GPM6A: variants seen among roughly 807,000 people sequenced by gnomAD.
The protein encoded by GPM6A is neuronal membrane glycoprotein M6-a.
GPM6A carries 7 observed loss-of-function variants against 32.1 expected under a neutral mutation model. That is an observed-to-expected ratio of 0.22 (90% CI 0.12 to 0.41). GPM6A has a LOEUF of 0.41. Among genes scored for constraint, GPM6A ranks in the 10% least tolerant of loss-of-function variants. GPM6A has a pLI of 1.00. For synonymous variants in GPM6A, 130 were observed against 123.4 expected (o/e 1.05, Z -0.35); for missense variants, 235 against 347.2 (o/e 0.68, Z 2.57).
rs900846811 is a variant in GPM6A, at chr4:175,738,199, A to G, written c.38-36432T>C. On this transcript the variant is annotated intron_variant, in intron 1 of 6. Coordinates refer to ENST00000393658, the MANE Select transcript of GPM6A (RefSeq NM_201591.3). ...GTGATTTGCCTGCCTCGGCCTCCCAATGTGCTGGGATTACAGACATGAGTT... is the reference window on the plus strand; with the variant it reads ...GTGATTTGCCTGCCTCGGCCTCCCAGTGTGCTGGGATTACAGACATGAGTT... 1.1e-4 allele frequency among the ~76,000 whole-genome samples: 16 copies of G among 152,200 alleles called. No homozygotes were observed. The East Asian group carries it at 2.3e-3, about 22-fold the overall frequency.
intron 1 of GPM6A, among the ~76,000 whole-genome samples, chr4:175,971,699 T>G (rs918078747): frequency 5.9e-5 from 9 of 152,228 alleles, no homozygotes; most frequent in African/African-American, 1.7e-4. Context: ...TTTTGAAGTT[T>G]CTGCTGGAGC....
intron 3 of GPM6A, among the ~76,000 whole-genome samples, chr4:175,656,831 G>C (rs575839770): frequency 9.9e-5 from 15 of 151,718 alleles, no homozygotes; most frequent in Non-Finnish European, 2.1e-4. Context: ...TTGATGAAAA[G>C]AAGCCAGCTG....
At chr4:175,705,230 A>G (rs1231654538) in intron 1 of GPM6A, among the ~76,000 whole-genome samples, 3 of 152,322 alleles carry the variant, frequency 2.0e-5, no homozygotes, top group African/African-American at 7.2e-5. Flanking sequence ...TGCATTTCCA[A>G]ATGAGTGTAA....
intron 1 of GPM6A, among the ~76,000 whole-genome samples, chr4:175,703,107 C>T (rs75057612): frequency 6.6e-6 from 1 of 152,144 alleles, no homozygotes; most frequent in African/African-American, 2.4e-5. Flanking sequence ...AAAAATAGTG[C>T]TTGACATAGA....
chr4:175,758,018 G>A (rs1732596880), intron 1 of GPM6A, among the ~76,000 whole-genome samples: 2 of 152,146 alleles, frequency 1.3e-5, no homozygotes, highest in South Asian at 4.1e-4. Context: ...GAAGAATGGA[G>A]AAGTAAGTGC....
At chr4:175,800,803 G>A (rs111517413) in intron 1 of GPM6A, 108 of 197,244 alleles carry the variant, frequency 5.5e-4, no homozygotes, top group Middle Eastern at 1.8e-3. Flanking sequence ...TCATCCTAGA[G>A]GATCTAAAAG....
At chr4:175,828,009 G>C (rs1259827213) in intron 1 of GPM6A, among the ~76,000 whole-genome samples, 3 of 152,200 alleles carry the variant, frequency 2.0e-5, no homozygotes, top group African/African-American at 7.2e-5. Flanking sequence ...ATTGTTCTGA[G>C]TGATGAAGCA....
At chr4:175,893,349 G>A (rs1256922879) in intron 1 of GPM6A, among the ~76,000 whole-genome samples, 1 of 152,192 alleles carries the variant, frequency 6.6e-6, no homozygotes, top group African/African-American at 2.4e-5. Flanking sequence ...ACTATTCAAT[G>A]ATCAGCGTTT....
At chr4:175,827,063 GAAGT>G (rs1237150624) in intron 1 of GPM6A, among the ~76,000 whole-genome samples, 6 of 152,184 alleles carry the variant, frequency 3.9e-5, no homozygotes, top group East Asian at 1.9e-4. Flanking sequence ...AGATGCCCAT[GAAGT>G]AAGTATCATT....
chr4:175,842,022 A>G (rs1050200808), intron 1 of GPM6A, among the ~76,000 whole-genome samples: 2 of 152,146 alleles, frequency 1.3e-5, no homozygotes, highest in Non-Finnish European at 2.9e-5. Context: ...AAGAATCACT[A>G]TTATTTAATG....
At chr4:175,793,871 TTG>T (rs1560936373) in intron 1 of GPM6A, among the ~76,000 whole-genome samples, 1 of 152,240 alleles carries the variant, frequency 6.6e-6, no homozygotes, top group Non-Finnish European at 1.5e-5. Flanking sequence ...TTTTATGATA[TTG>T]TCAATTCTGA....
At chr4:175,920,569 T>C (rs1738632845) in intron 1 of GPM6A, among the ~76,000 whole-genome samples, 1 of 152,128 alleles carries the variant, frequency 6.6e-6, no homozygotes, top group African/African-American at 2.4e-5. Context: ...ATTATACGGC[T>C]GGGCGTGGTG....
At chr4:175,930,006 T>C (rs1415845939) in intron 1 of GPM6A, among the ~76,000 whole-genome samples, 1 of 152,110 alleles carries the variant, frequency 6.6e-6, no homozygotes, top group Non-Finnish European at 1.5e-5. Context: ...AACTTATATA[T>C]TCCCTATAGC....
At chr4:175,813,172 G>A (rs1734996091), upstream of GPM6A, 1 of 654,476 alleles carries the variant, frequency 1.5e-6, no homozygotes, top group Non-Finnish European at 1.9e-6. Flanking sequence ...GGTTTCCAAT[G>A]AGAATCTCTT....
At position 175,986,550 on chromosome 4, in the gene GPM6A, T is replaced by A. The variant is rs115064144; in HGVS notation, c.-23+15759A>T. 8.6e-3 allele frequency among the ~76,000 whole-genome samples: 1,316 copies of A among 152,258 alleles called. 10 individuals carry two copies. The highest frequency in any genetic ancestry group is 0.03 in the African/African-American group (1,240 of 41,538). ...CTGGGCAACAGAGTGAGACTCCACC[T>A]CTACAAACAAGAAAAAGAGACTTTT... is the stretch of plus-strand genomic sequence containing the variant. On this transcript the variant is annotated intron_variant, in intron 1 of 7. Transcript: ENST00000280187.
chr4:175,641,019 A>G, intron 4 of GPM6A, 190 bp from the exon 5 acceptor site: 1 of 565,230 alleles, frequency 1.8e-6, no homozygotes, highest in Non-Finnish European at 3.1e-6. Context: ...AATATGCAAG[A>G]CTATTTAGCC....
chr4:175,901,836 CA>C (rs1194916598), intron 1 of GPM6A, among the ~76,000 whole-genome samples: 13 of 151,834 alleles, frequency 8.6e-5, no homozygotes. Flanking sequence ...CCATGTTGGC[CA>C]GGCTAGTCTT....
chr4:175,896,697 C>T (rs1285490071), intron 1 of GPM6A, among the ~76,000 whole-genome samples: 1 of 152,138 alleles, frequency 6.6e-6, no homozygotes, highest in Non-Finnish European at 1.5e-5. Flanking sequence ...ACCACAGGCC[C>T]TGTCTATCTT....
chr4:175,716,424 C>T (rs939570058), intron 1 of GPM6A, among the ~76,000 whole-genome samples: 13 of 152,066 alleles, frequency 8.5e-5, no homozygotes, highest in African/African-American at 3.1e-4. Context: ...TGTAGGTTTG[C>T]TGGAGAGGTA....
Sources: allele counts gnomAD v4.1 joint callset (sites outside exome capture counted in the v4.1 genomes callset), GRCh38; gene constraint gnomAD v4.1.1; transcripts MANE v1.5; gene names NCBI Gene and HGNC (gene_info 2026-07-23, HGNC 2026-07-21).